Variants in ACTA2 observed in about 807,000 individuals in gnomAD.
ACTA2 encodes the protein actin alpha 2, smooth muscle.
ACTA2 carries 12 observed loss-of-function variants against 39.5 expected under a neutral mutation model. The observed-to-expected ratio is 0.30, with a 90% CI of 0.19 to 0.49. The LOEUF (loss-of-function observed/expected upper bound fraction) is 0.49. Ranked by LOEUF, ACTA2 falls within the 20% of genes least tolerant of loss-of-function variation. The pLI is 0.99. For synonymous variants in ACTA2, 158 were observed against 180.6 expected, an observed-to-expected ratio of 0.88 and a Z score of 1.00; for missense variants, 236 against 498.8, an observed-to-expected ratio of 0.47 and a Z score of 5.02.
At position 88,935,084 on chromosome 10, in the gene ACTA2, C is replaced by T. The variant is rs1845707247; in HGVS notation, c.*139G>A. 3 of 1,243,700 alleles carry T rather than the reference C, an allele frequency of 2.4e-6. No homozygotes were observed. The highest frequency in any genetic ancestry group is 3.4e-6 in the Non-Finnish European group (3 of 875,800). 77.0% of individuals were successfully genotyped at this position (1,243,700 alleles called of 1,614,324 possible). On this transcript the variant is annotated 3_prime_UTR_variant, in exon 9 of 9. Coordinates refer to ENST00000224784, the MANE Select transcript of ACTA2 (RefSeq NM_001613.4). ...GGCCAACGCAAGAAGTTACCAGTAG[C>T]CTATTTCAGATTTATTAAAAAACAC...
chr10:88,978,346 A>C (rs1393702757), intron 1 of ACTA2, among the ~76,000 whole-genome samples: 1 of 151,474 alleles, frequency 6.6e-6, no homozygotes, highest in African/African-American at 2.4e-5. Flanking sequence ...ACATGTATAC[A>C]TATGTAACTA....
intron 1 of ACTA2, chr10:88,973,230 G>A: frequency 6.2e-7 from 1 of 1,612,502 alleles, no homozygotes; most frequent in Non-Finnish European, 8.5e-7. Flanking sequence ...TTTGGAGATG[G>A]AGCCCCTGAA....
At chr10:88,972,527 T>G (rs1405378195) in intron 1 of ACTA2, among the ~76,000 whole-genome samples, 4 of 152,214 alleles carry the variant, frequency 2.6e-5, no homozygotes, top group Non-Finnish European at 4.4e-5. Context: ...CTTTCTTCTC[T>G]CCTGCCTTCT....
At chr10:88,955,343 G>T (rs572243760), upstream of ACTA2, among the ~76,000 whole-genome samples, 20 of 152,284 alleles carry the variant, frequency 1.3e-4, no homozygotes, top group African/African-American at 4.6e-4. Context: ...TGTAGAAATT[G>T]TTTTTTTCTA....
At chr10:88,970,832 A>G (rs1048305477) in intron 1 of ACTA2, among the ~76,000 whole-genome samples, 1 of 152,100 alleles carries the variant, frequency 6.6e-6, no homozygotes, top group Non-Finnish European at 1.5e-5. Flanking sequence ...ACAAACCTGC[A>G]CGTTGTGCAC....
At chr10:88,952,430 C>T (rs1024749742) in intron 1 of ACTA2, among the ~76,000 whole-genome samples, 1 of 152,158 alleles carries the variant, frequency 6.6e-6, no homozygotes, top group Non-Finnish European at 1.5e-5. Flanking sequence ...ACCTGCATAC[C>T]TGTATTGTGC....
chr10:88,944,401 ATTTTCTTTG>A (rs1845909952), intron 3 of ACTA2, among the ~76,000 whole-genome samples: 1 of 152,158 alleles, frequency 6.6e-6, no homozygotes, highest in Admixed American at 6.5e-5. Context: ...ATTCAACTCT[ATTTTCTTTG>A]TTCTCTCTTC....
intron 3 of ACTA2, among the ~76,000 whole-genome samples, chr10:88,944,695 A>G (rs1391058269): frequency 1.3e-5 from 2 of 152,246 alleles, no homozygotes; most frequent in Non-Finnish European, 2.9e-5. Flanking sequence ...AGGTGTTTCC[A>G]AAAGGCCCAC....
chr10:88,939,870 GAA>G lies in ACTA2; in HGVS notation c.617-174_617-173del, dbSNP rs1845816168. 11 of 683,726 alleles carry G rather than the reference GAA, an allele frequency of 1.6e-5. No homozygotes were observed. In the South Asian group the frequency reaches 1.8e-4, roughly 11 times the overall value. 42.4% of individuals were successfully genotyped at this position (683,726 alleles called of 1,614,324 possible). A position where few individuals can be genotyped will look rare whatever the true frequency, so the allele number is the denominator to read the frequency against. On this transcript the variant is annotated intron_variant, in intron 6 of 8. Transcript: ENST00000224784. ...ATAATGACGTAGTAGGGCCACCAGGGAACCACCTCTGTTCCTAGGACAGTGTC... is the reference window on the plus strand; with the variant it reads ...ATAATGACGTAGTAGGGCCACCAGGGCCACCTCTGTTCCTAGGACAGTGTC...
At chr10:88,964,176 A>C (rs372681470) in intron 1 of ACTA2, among the ~76,000 whole-genome samples, 13 of 152,190 alleles carry the variant, frequency 8.5e-5, no homozygotes, top group African/African-American at 3.1e-4. Flanking sequence ...GTATGGGAGG[A>C]AAAAAGAATT....
At chr10:88,972,382 G>C (rs941509300) in intron 1 of ACTA2, among the ~76,000 whole-genome samples, 1 of 152,126 alleles carries the variant, frequency 6.6e-6, no homozygotes. Flanking sequence ...GGAGTTTTGA[G>C]AACAGGGAGT....
chr10:88,986,661 A>G (rs535323064), intron 1 of ACTA2, among the ~76,000 whole-genome samples: 1 of 102,566 alleles, frequency 9.7e-6, no homozygotes, highest in African/African-American at 4.4e-5. Context: ...AAAGGAAGTA[A>G]TACAGGAAGG....
At chr10:88,943,213 T>A (rs1200390979) in intron 4 of ACTA2, among the ~76,000 whole-genome samples, 1 of 152,196 alleles carries the variant, frequency 6.6e-6, no homozygotes, top group African/African-American at 2.4e-5. Flanking sequence ...TGGATGGGAT[T>A]CTATTGTGAG....
At chr10:88,943,639 A>G (rs1202313455) in intron 4 of ACTA2, 158 bp downstream of exon 4, 2 of 714,026 alleles carry the variant, frequency 2.8e-6, no homozygotes, top group Non-Finnish European at 5.1e-6. Context: ...AGTACTTTCA[A>G]GCTGTTCCTG....
Position 88,983,186 on chromosome 10 carries a change from T to A in ACTA2, c.-24+7753A>T, listed in dbSNP as rs568069584. 2.6e-5 allele frequency among the ~76,000 whole-genome samples: 4 copies of A among 152,348 alleles called. No homozygotes were observed. The South Asian group carries it at 8.3e-4, about 32-fold the overall frequency. On this transcript the variant is annotated intron_variant, in intron 1 of 4. Coordinates refer to the ACTA2 transcript ENST00000415557. ...TTTATTTCAATCCAATTTGCATGGCTATGTGAGCTATGATTCTTAGAGGAG... is the reference window on the plus strand; with the variant it reads ...TTTATTTCAATCCAATTTGCATGGCAATGTGAGCTATGATTCTTAGAGGAG...
intron 1 of ACTA2, among the ~76,000 whole-genome samples, chr10:88,962,159 A>G (rs1485730519): frequency 2.0e-5 from 3 of 152,194 alleles, no homozygotes; most frequent in Non-Finnish European, 4.4e-5. Flanking sequence ...GCTAGTTCAG[A>G]GTTGCCAGAT....
intron 2 of ACTA2, chr10:88,948,424 C>T (rs1845991872): frequency 3.7e-6 from 1 of 271,254 alleles, no homozygotes; most frequent in Admixed American, 4.8e-5. Context: ...CTAACATCAG[C>T]CCTGTATGGT....
intron 1 of ACTA2, among the ~76,000 whole-genome samples, chr10:88,963,389 GA>G (rs1846268895): frequency 6.7e-6 from 1 of 150,350 alleles, no homozygotes; most frequent in East Asian, 1.9e-4. Context: ...ATAATAAGAT[GA>G]ATAAAGTAGT....
Position 88,947,241 on chromosome 10 carries a change from C to T in ACTA2, c.258+17G>A. 2 of 1,613,744 alleles carry T rather than the reference C, an allele frequency of 1.2e-6. No homozygotes were observed. Among genetic ancestry groups the T allele is most frequent in the Non-Finnish European group, 1.7e-6 (2 of 1,179,784 alleles). On this transcript the variant is annotated intron_variant, in intron 3 of 8. Coordinates refer to ENST00000224784, the MANE Select transcript of ACTA2 (RefSeq NM_001613.4). Reference sequence around the variant, plus strand: ...TTATGCATCCTGAGGGCCCAAGCTGCAGCAAACCTCCCATACCTTTTCCAT... The same window carrying T: ...TTATGCATCCTGAGGGCCCAAGCTGTAGCAAACCTCCCATACCTTTTCCAT...
Sources: allele counts gnomAD v4.1 joint callset (sites outside exome capture counted in the v4.1 genomes callset), GRCh38; gene constraint gnomAD v4.1.1; transcripts MANE v1.5; gene names NCBI Gene and HGNC (gene_info 2026-07-23, HGNC 2026-07-21).